Variants in LRRC56 observed in about 807,000 individuals in gnomAD.
LRRC56 encodes leucine rich repeat containing 56.
In LRRC56, 41 loss-of-function variants were observed where a neutral mutation model predicts 47.8. The ratio of observed to expected loss-of-function variants is 0.86; its 90% CI spans 0.67 to 1.11. The LOEUF (loss-of-function observed/expected upper bound fraction) is 1.11. Among genes scored for constraint, LRRC56 ranks in the 50% most tolerant of loss-of-function variants. The pLI, the probability that LRRC56 is intolerant of heterozygous loss-of-function variation, is 0.00. For synonymous variants in LRRC56, 387 were observed against 311.2 expected, an observed-to-expected ratio of 1.24 and a Z score of -2.56; for missense variants, 759 against 704.2, an observed-to-expected ratio of 1.08 and a Z score of -0.88.
chr11:541,585 A>T lies in LRRC56; in HGVS notation c.226A>T (p.Met76Leu). The change falls in exon 5 of 14, where the codon ATG becomes TTG. Residue 76 changes from methionine to leucine, a missense_variant. Physicochemically the swap from Met to Leu is conservative, Grantham distance 15. Transcript: ENST00000270115. This position sits in a 1 kb window ranked among gnomAD's most constrained non-coding sequence, Gnocchi z 4.1. ...DDLRLVRTLE[M>L]CVDTREGSLG... The stretch of plus-strand genomic sequence containing the variant: ...CCTTCGGCTGGTGAGGACGCTGGAG[A>T]TGTGTGTGGACACTCGTGAGGGCAG... 1 of 1,590,746 alleles carries T rather than the reference A, an allele frequency of 6.3e-7. No homozygotes were observed. Among genetic ancestry groups the T allele is most frequent in the Non-Finnish European group, 8.6e-7 (1 of 1,167,546 alleles).
chr11:544,635 G>A, intron 5 of LRRC56, 85 bp from the exon 6 acceptor site: 2 of 1,383,414 alleles, frequency 1.4e-6, no homozygotes. Flanking sequence ...AGGGGCCGGG[G>A]GTGCTGATGC....
Position 554,302 on chromosome 11 carries a change from T to G in LRRC56, c.*26T>G. On this transcript the variant is annotated 3_prime_UTR_variant, in exon 14 of 14. Coordinates refer to ENST00000270115, the MANE Select transcript of LRRC56 (RefSeq NM_198075.4). ...TATAGCCCCCACTGCCAGGCTTCCCTGTGCTGGGGCCACGACTTGCCCACA... is the reference window on the plus strand; with the variant it reads ...TATAGCCCCCACTGCCAGGCTTCCCGGTGCTGGGGCCACGACTTGCCCACA... 1 of 1,469,250 alleles carries G rather than the reference T, an allele frequency of 6.8e-7. No individual in the cohort carries two copies. Among genetic ancestry groups the G allele is most frequent in the Non-Finnish European group, 9.0e-7 (1 of 1,114,140 alleles). The allele number at this position is 1,469,250 out of a possible 1,614,324, so 91.0% of individuals were successfully genotyped here.
chr11:532,440 C>T, the LRRC56 span: 3 of 773,580 alleles, frequency 3.9e-6, no homozygotes, highest in Middle Eastern at 3.8e-4. Context: ...CCCTTCCTTC[C>T]TTCCTTGCTT....
chr11:521,089 A>T, the LRRC56 span, among the ~76,000 whole-genome samples: 1 of 152,206 alleles, frequency 6.6e-6, no homozygotes, highest in Non-Finnish European at 1.5e-5. Flanking sequence ...CACGGGGCAG[A>T]CGCCCTGCCA....
chr11:544,028 G>A (rs1361823476), intron 5 of LRRC56, among the ~76,000 whole-genome samples: 1 of 152,220 alleles, frequency 6.6e-6, no homozygotes, highest in Non-Finnish European at 1.5e-5. Flanking sequence ...GATTACAGGC[G>A]TGAGCCACCG....
rs942621893 is a variant in LRRC56 at position 551,675 on chromosome 11, G to A, written c.821G>A (p.Arg274Gln). ...PLDCPRGAPI[R>Q]RLDPELSLPE... The stretch of plus-strand genomic sequence containing the variant: ...GACTGTCCCCGTGGAGCCCCCATCC[G>A]GAGACTTGACCCCGAGCTGTCCCTG... Residue 274 changes from arginine to glutamine, a missense_variant, in exon 10 of 14, where the codon CGG becomes CAG. Coordinates refer to ENST00000270115, the MANE Select transcript of LRRC56 (RefSeq NM_198075.4). 9 of 1,589,912 alleles carry A rather than the reference G, an allele frequency of 5.7e-6. No individual in the cohort carries two copies. The highest frequency in any genetic ancestry group is 1.1e-5 in the South Asian group (1 of 88,246).
chr11:551,385 C>T (rs768135401), intron 9 of LRRC56, 83 bp downstream of exon 9: 115 of 958,306 alleles, frequency 1.2e-4, no homozygotes, highest in Middle Eastern at 2.2e-4. Context: ...TTCTCAGAAA[C>T]GGATAGCCAC....
the LRRC56 span, among the ~76,000 whole-genome samples, chr11:526,100 G>A: frequency 7.3e-3 from 1,108 of 152,028 alleles, 26 homozygotes; most frequent in African/African-American, 0.025. Flanking sequence ...CCAGCTACTC[G>A]GGAGGCTGAG....
chr11:518,286 A>G, the LRRC56 span, among the ~76,000 whole-genome samples: 1 of 151,640 alleles, frequency 6.6e-6, no homozygotes, highest in Admixed American at 6.6e-5. Flanking sequence ...GGTTCACGCC[A>G]TTCTCCTGCC....
chr11:536,242 C>T (rs999992787), upstream of LRRC56, among the ~76,000 whole-genome samples: 11 of 152,246 alleles, frequency 7.2e-5, no homozygotes, highest in Admixed American at 3.3e-4. Context: ...TCCTCTTTCT[C>T]GGGCCTGCGT....
upstream of LRRC56, chr11:535,162 C>T (rs968154082): frequency 3.3e-5 from 5 of 152,196 alleles, no homozygotes; most frequent in South Asian, 1.9e-4. Context: ...GCGTGGGGAC[C>T]GTGCCCAGCG....
rs191012392 is a variant in LRRC56 at position 548,561 on chromosome 11, G to A, written c.327-1341G>A. On this transcript the variant is annotated intron_variant, in intron 6 of 13. Coordinates refer to ENST00000270115, the MANE Select transcript of LRRC56 (RefSeq NM_198075.4). ...CAACCTCCACCTCCCCGGTTCAAGC[G>A]ATTCTCCTGCCTCAGCCTCCCAAAG... is the stretch of plus-strand genomic sequence containing the variant. Among the ~76,000 whole-genome samples, 9 of 152,296 alleles carry A rather than the reference G, an allele frequency of 5.9e-5. No individual in the cohort carries two copies. The East Asian group carries it at 1.5e-3, about 26-fold the overall frequency.
the LRRC56 span, chr11:507,434 G>A: frequency 4.2e-5 from 5 of 119,560 alleles, no homozygotes; most frequent in African/African-American, 1.4e-4. Flanking sequence ...CTCGCTTGGG[G>A]GCGTGGTCTC....
chr11:533,414 C>T (rs777802934), upstream of LRRC56: 50 of 962,512 alleles, frequency 5.2e-5, no homozygotes, highest in Admixed American at 1.6e-4. Context: ...CGGGGCGGGG[C>T]GGGTCCCTGG....
At chr11:512,403 T>G in the LRRC56 span, among the ~76,000 whole-genome samples, 3 of 151,984 alleles carry the variant, frequency 2.0e-5, no homozygotes, top group African/African-American at 7.3e-5. Context: ...TTGGCTAATT[T>G]TTTGTATTTT....
chr11:507,691 C>T, the LRRC56 span, among the ~76,000 whole-genome samples: 1 of 152,238 alleles, frequency 6.6e-6, no homozygotes, highest in East Asian at 1.9e-4. Context: ...CGGGAGAAAC[C>T]CCCCTGGGGC....
chr11:540,649 C>G (rs1003431308), intron 3 of LRRC56, 25 bp from the exon 4 acceptor site: 1 of 1,603,920 alleles, frequency 6.2e-7, no homozygotes, highest in Non-Finnish European at 8.5e-7. Context: ...CAGCGTGGAG[C>G]TTTGCACTGT....
the LRRC56 span, among the ~76,000 whole-genome samples, chr11:527,703 T>G: frequency 2.1e-5 from 3 of 144,144 alleles, no homozygotes; most frequent in Non-Finnish European, 4.6e-5. Flanking sequence ...GGCTAATTTT[T>G]TTTTTTTTTT....
intron 5 of LRRC56, among the ~76,000 whole-genome samples, chr11:543,893 C>G (rs990870913): frequency 6.6e-6 from 1 of 152,208 alleles, no homozygotes; most frequent in African/African-American, 2.4e-5. Flanking sequence ...GGACTACAGG[C>G]GCCCGCCACC....
Sources: gnomAD v4.1 joint callset for allele counts (sites outside exome capture counted in the v4.1 genomes callset) on GRCh38, gnomAD v4.1.1 for gene constraint, Gnocchi (gnomAD v3.1) non-coding constraint, MANE v1.5 for transcripts, NCBI Gene and HGNC (gene_info 2026-07-23, HGNC 2026-07-21) for gene names.